ANXA8: variants seen among roughly 807,000 people sequenced by gnomAD.
The protein encoded by ANXA8 is annexin A8.
Under a neutral mutation model 26.8 loss-of-function variants are expected in ANXA8, and 9 were observed. The observed-to-expected ratio is 0.34, with a 90% CI of 0.20 to 0.59. ANXA8 has a LOEUF of 0.59. ANXA8 is among the 20% of genes least tolerant of loss of function. ANXA8 has a pLI of 0.84. For missense variants in ANXA8, 83 were observed against 238.5 expected, an observed-to-expected ratio of 0.35 and a Z score of 4.29; for synonymous variants, 39 against 94.8, an observed-to-expected ratio of 0.41 and a Z score of 3.42.
the ANXA8 span, among the ~76,000 whole-genome samples, chr10:47,625,623 G>A: frequency 8.6e-5 from 13 of 152,046 alleles, no homozygotes; most frequent in African/African-American, 3.1e-4. Context: ...CTATCCCCAA[G>A]CATTGGTGTG....
At chr10:47,948,380 C>T in the ANXA8 span, among the ~76,000 whole-genome samples, 15 of 106,114 alleles carry the variant, frequency 1.4e-4, no homozygotes, top group African/African-American at 2.9e-4. Flanking sequence ...GATATACACA[C>T]GAATTTAAAG....
At chr10:47,898,811 A>ATTTTTTTTTTTTT in the ANXA8 span, among the ~76,000 whole-genome samples, 46 of 56,258 alleles carry the variant, frequency 8.2e-4, 3 homozygotes, top group South Asian at 2.0e-3. Flanking sequence ...AAGAGAATGG[A>ATTTTTTTTTTTTT]TTTTTTTTTT....
the ANXA8 span, among the ~76,000 whole-genome samples, chr10:47,778,839 C>T: frequency 2.4e-4 from 37 of 151,682 alleles, no homozygotes; most frequent in African/African-American, 8.7e-4. Context: ...TTTTTCTGCT[C>T]ACAATTATAT....
At chr10:47,674,605 C>T in the ANXA8 span, among the ~76,000 whole-genome samples, 5 of 151,596 alleles carry the variant, frequency 3.3e-5, no homozygotes, top group African/African-American at 9.7e-5. Context: ...GTTACATATG[C>T]GCAGCCTACA....
At chr10:47,674,653 G>T in the ANXA8 span, among the ~76,000 whole-genome samples, 1 of 151,712 alleles carries the variant, frequency 6.6e-6, no homozygotes, top group Non-Finnish European at 1.5e-5. Flanking sequence ...CTCCTCAAGG[G>T]CAAAGTGTCT....
the ANXA8 span, among the ~76,000 whole-genome samples, chr10:47,595,102 A>C: frequency 6.7e-6 from 1 of 148,482 alleles, no homozygotes; most frequent in Non-Finnish European, 1.5e-5. Context: ...CAGAGATTAG[A>C]GGTCTATTTT....
chr10:47,973,750 G>A, the ANXA8 span, among the ~76,000 whole-genome samples: 19 of 151,036 alleles, frequency 1.3e-4, 1 homozygote, highest in African/African-American at 3.6e-4. Flanking sequence ...TATTGGTAAC[G>A]AATGTTTGAA....
chr10:47,991,758 G>T, the ANXA8 span: 2 of 1,609,690 alleles, frequency 1.2e-6, no homozygotes, highest in South Asian at 2.2e-5. Flanking sequence ...GTTGGCCTCT[G>T]CTGGGACTCC....
the ANXA8 span, among the ~76,000 whole-genome samples, chr10:47,623,320 A>C: frequency 1.8e-5 from 2 of 111,564 alleles, 1 homozygote; most frequent in Non-Finnish European, 3.9e-5. Flanking sequence ...GCTTGTAAAA[A>C]ATTGTCTAAA....
At chr10:47,747,093 C>T in the ANXA8 span, among the ~76,000 whole-genome samples, 1 of 143,534 alleles carries the variant, frequency 7.0e-6, no homozygotes, top group Non-Finnish European at 1.5e-5. Flanking sequence ...AAGAAAAACA[C>T]AAGGAGGCAA....
At chr10:47,762,418 G>T in the ANXA8 span, among the ~76,000 whole-genome samples, 1 of 126,818 alleles carries the variant, frequency 7.9e-6, no homozygotes, top group African/African-American at 3.0e-5. Context: ...TGCACTGGGT[G>T]GGGTGGTGAG....
At chr10:47,508,512 C>A in the ANXA8 span, among the ~76,000 whole-genome samples, 1 of 112,774 alleles carries the variant, frequency 8.9e-6, no homozygotes, top group Non-Finnish European at 1.7e-5. Context: ...CAAGGTCCCA[C>A]CAAATAGGAG....
the ANXA8 span, among the ~76,000 whole-genome samples, chr10:47,907,180 C>A: frequency 6.6e-6 from 1 of 151,546 alleles, no homozygotes; most frequent in African/African-American, 2.4e-5. Flanking sequence ...ACGGTGAAAC[C>A]CCGTCTCTAC....
chr10:47,900,916 A>T, the ANXA8 span, among the ~76,000 whole-genome samples: 1 of 78,176 alleles, frequency 1.3e-5, no homozygotes, highest in African/African-American at 7.6e-5. Flanking sequence ...AGCATGGAAA[A>T]GCTTCCTGGT....
At chr10:47,651,764 T>C in the ANXA8 span, among the ~76,000 whole-genome samples, 25 of 151,792 alleles carry the variant, frequency 1.6e-4, no homozygotes, top group Non-Finnish European at 2.9e-4. Context: ...CATGGTGGCT[T>C]ATGCCTGTAA....
chr10:47,686,243 T>G, the ANXA8 span, among the ~76,000 whole-genome samples: 2 of 149,700 alleles, frequency 1.3e-5, no homozygotes, highest in Non-Finnish European at 3.0e-5. Context: ...TTTTTTTTTT[T>G]TTTGAGACAG....
the ANXA8 span, among the ~76,000 whole-genome samples, chr10:47,651,578 G>A: frequency 6.7e-6 from 1 of 150,272 alleles, no homozygotes; most frequent in Non-Finnish European, 1.5e-5. Flanking sequence ...CCTAAATGTA[G>A]ATCAGCTGAT....
the ANXA8 span, among the ~76,000 whole-genome samples, chr10:47,617,487 T>C: frequency 6.1e-5 from 9 of 146,778 alleles, no homozygotes; most frequent in Non-Finnish European, 1.0e-4. Context: ...ACTCTATCTA[T>C]AGGCAACTGT....
chr10:47,761,129 G>T, the ANXA8 span, among the ~76,000 whole-genome samples: 1 of 125,168 alleles, frequency 8.0e-6, no homozygotes, highest in Non-Finnish European at 1.8e-5. Context: ...CACACACACA[G>T]CAGTGGGATT....
Sources: gnomAD v4.1 joint callset for allele counts (sites outside exome capture counted in the v4.1 genomes callset) on GRCh38, gnomAD v4.1.1 for gene constraint, MANE v1.5 for transcripts, NCBI Gene and HGNC (gene_info 2026-07-23, HGNC 2026-07-21) for gene names.